RPUSD3: variants seen among roughly 807,000 people sequenced by gnomAD.
The protein encoded by RPUSD3 is mitochondrial mRNA pseudouridine synthase RPUSD3.
A neutral mutation model predicts 35.1 loss-of-function variants in RPUSD3; 36 were observed. That is an observed-to-expected ratio of 1.02 (90% CI 0.79 to 1.35). The LOEUF (loss-of-function observed/expected upper bound fraction) is 1.35, where lower values mean the gene tolerates loss of function less well. RPUSD3 is among the 40% of genes most tolerant of loss of function. RPUSD3 has a pLI of 0.00. For synonymous variants in RPUSD3, 202 were observed against 187.8 expected (o/e 1.08, Z -0.62); for missense variants, 486 against 441.9 (o/e 1.10, Z -0.89).
intron 4 of RPUSD3, chr3:9,841,631 C>T (rs759538892): frequency 1.1e-4 from 20 of 181,104 alleles, no homozygotes; most frequent in African/African-American, 2.6e-4. Flanking sequence ...AGCCACCACG[C>T]GGAAAGTTTT....
chr3:9,840,679 A>C lies in RPUSD3; in HGVS notation c.515+19T>G. The C allele has an allele frequency of 6.2e-7, 1 of 1,612,950 alleles. No homozygotes were observed. Among genetic ancestry groups the C allele is most frequent in the African/African-American group, 1.3e-5 (1 of 74,850 alleles). Reference sequence around the variant, plus strand: ...CTGGGACCTCCCCACCACTCTAGGAACCTCCCAGCACCTCTCACCAGTAGG... The same window carrying C: ...CTGGGACCTCCCCACCACTCTAGGACCCTCCCAGCACCTCTCACCAGTAGG... On this transcript the variant is annotated intron_variant, in intron 5 of 8. Coordinates refer to ENST00000383820, the Ensembl canonical transcript of RPUSD3.
Position 9,843,780 on chromosome 3 carries a change from G to A in RPUSD3, c.125+110C>T, listed in dbSNP as rs544179110. ...CTACAGCGGAGGGCACCGAGGCTCA[G>A]AGAGGCCAACGGGGCTGTTTTCGGG... is the stretch of plus-strand genomic sequence containing the variant. On this transcript the variant is annotated intron_variant, in intron 1 of 8. Transcript: ENST00000383820. 6 of 1,546,320 alleles carry A rather than the reference G, an allele frequency of 3.9e-6. No homozygotes were observed. The African/African-American group carries it at 6.8e-5, about 18-fold the overall frequency.
In RPUSD3 at chr3:9,840,035, C is replaced by T. The variant is rs1384104442; in HGVS notation, c.724+149G>A. 6 of 959,262 alleles carry T rather than the reference C, an allele frequency of 6.3e-6. No homozygotes were observed. In the South Asian group the frequency reaches 7.1e-5, roughly 11 times the overall value. The allele number at this position is 959,262 out of a possible 1,614,324, so 59.4% of individuals were successfully genotyped here. A position where few individuals can be genotyped will look rare whatever the true frequency, so the allele number is the denominator to read the frequency against. On this transcript the variant is annotated intron_variant, in intron 7 of 8. Coordinates refer to ENST00000383820, the Ensembl canonical transcript of RPUSD3. ...AGCTGGTTTTACAGGCGCCTGCCAC[C>T]GTGCCCAGCTAATTTTTGTAGTTTT...
rs1575427763 is a variant in RPUSD3, at chr3:9,839,084, A to T, written c.812T>A (p.Val271Asp). 8 of 1,614,116 alleles carry T rather than the reference A, an allele frequency of 5.0e-6. No individual in the cohort carries two copies. The East Asian group carries it at 1.8e-4, about 36-fold the overall frequency. ...TGGCAGCAGAAATCGCTGGCCCAGGACAGTGCCCACACGGGCAGAGTACAT... is the reference window on the plus strand; with the variant it reads ...TGGCAGCAGAAATCGCTGGCCCAGGTCAGTGCCCACACGGGCAGAGTACAT... Residue 271 changes from valine (V) to aspartate (D), a missense_variant, in exon 8 of 9, where the codon GTC becomes GAC. By Grantham distance (152) the Val-to-Asp change is radical. Coordinates refer to ENST00000383820, the Ensembl canonical transcript of RPUSD3.
chr3:9,843,833 C>T, intron 1 of RPUSD3, 57 bp downstream of exon 1: 1 of 1,561,196 alleles, frequency 6.4e-7, no homozygotes, highest in African/African-American at 1.4e-5. Context: ...AGATCCCGCA[C>T]GTGCCTTCCC....
At position 9,840,169 on chromosome 3, in the gene RPUSD3, G is replaced by A. The variant is rs1575428887; in HGVS notation, c.724+15C>T. ...CAAGTGCAGTTTTAAAGGCTGGCTA[G>A]GGTGCCAGACCTACCTGTCAGTGGC... is the stretch of plus-strand genomic sequence containing the variant. On this transcript the variant is annotated intron_variant, in intron 7 of 8. Transcript: ENST00000383820. The A allele has an allele frequency of 1.2e-6, 2 of 1,605,856 alleles. No individual in the cohort carries two copies. The highest frequency in any genetic ancestry group is 3.4e-5 in the Admixed American group (2 of 58,540).
exon 4 of RPUSD3, chr3:9,842,024 C>T (rs368698333): frequency 2.7e-5 from 43 of 1,613,838 alleles, no homozygotes; most frequent in Non-Finnish European, 3.4e-5. Context: ...GCTCCCTGAG[C>T]CCTAGGGACT....
Position 9,843,450 on chromosome 3 carries a change from C to T in RPUSD3, c.262+15G>A, listed in dbSNP as rs1265368680. 6.2e-6 allele frequency: 10 copies of T among 1,613,216 alleles called. No homozygotes were observed. The highest frequency in any genetic ancestry group is 8.5e-6 in the Non-Finnish European group (10 of 1,179,528). ...CCCTCCCGGTCCTTGTGCGGCCGTG[C>T]CTCTCACCCCTCACCTTTCCGGTCC... On this transcript the variant is annotated intron_variant, in intron 2 of 8. Transcript: ENST00000383820.
exon 9 of RPUSD3, chr3:9,837,893 A>T: frequency 9.7e-7 from 1 of 1,028,914 alleles, no homozygotes; most frequent in Non-Finnish European, 1.4e-6. Context: ...AGGTAAAGTT[A>T]CTTGCCCAAT....
At chr3:9,838,556 G>A (rs1447756246) in intron 8 of RPUSD3, among the ~76,000 whole-genome samples, 1 of 152,078 alleles carries the variant, frequency 6.6e-6, no homozygotes, top group Non-Finnish European at 1.5e-5. Context: ...TTATCCACTT[G>A]AACCTACACT....
At chr3:9,843,407 C>G in intron 2 of RPUSD3, 58 bp downstream of exon 2, 1 of 1,603,432 alleles carries the variant, frequency 6.2e-7, no homozygotes, top group East Asian at 2.2e-5. Context: ...GAGAGCCCAA[C>G]TGCACGCCGA....
At chr3:9,839,347 G>A (rs1255454120) in intron 7 of RPUSD3, 176 bp from the exon 8 acceptor site, 29 of 611,288 alleles carry the variant, frequency 4.7e-5, no homozygotes, top group Admixed American at 1.0e-4. Context: ...ACGTCAGGAC[G>A]ATCACAGCTA....
intron 7 of RPUSD3, chr3:9,839,774 C>G (rs1490761094): frequency 6.1e-6 from 1 of 164,932 alleles, no homozygotes; most frequent in African/African-American, 2.4e-5. Flanking sequence ...GACAGGGTTT[C>G]ACCATGTTAG....
At position 9,843,615 on chromosome 3, in the gene RPUSD3, G is replaced by C. The variant is rs763111569; in HGVS notation, c.126-14C>G. On this transcript the variant is annotated splice_polypyrimidine_tract_variant and intron_variant, in intron 1 of 8. Coordinates refer to ENST00000383820, the Ensembl canonical transcript of RPUSD3. ...TGCCTCTGATGCCTGGACAAGGAGG[G>C]AGAAGCAATGGGAGTCATTCCATCC... 1.2e-6 allele frequency: 2 copies of C among 1,613,164 alleles called. No individual in the cohort carries two copies. The highest frequency in any genetic ancestry group is 2.2e-5 in the East Asian group (1 of 44,856).
chr3:9,840,122 C>G (rs773306931), intron 7 of RPUSD3, 62 bp downstream of exon 7: 2 of 1,573,798 alleles, frequency 1.3e-6, no homozygotes, highest in Admixed American at 1.9e-5. Context: ...CCTCGTGATC[C>G]ACCTGCCTCA....
intron 4 of RPUSD3, 27 bp downstream of exon 4, chr3:9,841,954 CCT>C: frequency 1.9e-6 from 3 of 1,589,470 alleles, no homozygotes; most frequent in Non-Finnish European, 2.6e-6. Flanking sequence ...TGCCTGTACT[CCT>C]AGCTTCCTGT....
At chr3:9,840,035 C>G (rs1384104442) in intron 7 of RPUSD3, 149 bp downstream of exon 7, 30 of 959,144 alleles carry the variant, frequency 3.1e-5, no homozygotes, top group African/African-American at 1.7e-5. Flanking sequence ...CGCCTGCCAC[C>G]GTGCCCAGCT....
exon 1 of RPUSD3, chr3:9,843,969 C>A: frequency 6.2e-7 from 1 of 1,607,564 alleles, no homozygotes; most frequent in Non-Finnish European, 8.5e-7. Context: ...CAGAACCGGC[C>A]CAAAACACGG....
chr3:9,843,711 A>G (rs1158939480), intron 1 of RPUSD3, 110 bp from the exon 2 acceptor site: 1 of 1,547,906 alleles, frequency 6.5e-7, no homozygotes, highest in Non-Finnish European at 8.7e-7. Flanking sequence ...ATGCCTCACA[A>G]TGTCTGGGCT....
Sources: allele counts gnomAD v4.1 joint callset (sites outside exome capture counted in the v4.1 genomes callset), GRCh38; gene constraint gnomAD v4.1.1; transcripts MANE v1.5; gene names NCBI Gene and HGNC (gene_info 2026-07-23, HGNC 2026-07-21).